Variants in CNTNAP2 observed in about 807,000 individuals in gnomAD.
CNTNAP2 encodes the protein contactin associated protein 2.
A neutral mutation model predicts 155.2 loss-of-function variants in CNTNAP2; 98 were observed. The ratio of observed to expected loss-of-function variants is 0.63; its 90% CI spans 0.54 to 0.75. The LOEUF (loss-of-function observed/expected upper bound fraction) is 0.75, where lower values mean the gene tolerates loss of function less well. CNTNAP2 is among the 30% of genes least tolerant of loss of function. The probability of loss-of-function intolerance (pLI) is 0.00; values close to 1 mark genes in which losing one functional copy is unlikely to be tolerated. For missense variants in CNTNAP2, 1,727 were observed against 1,688.1 expected (o/e 1.02, Z -0.40); for synonymous variants, 651 against 631.2 (o/e 1.03, Z -0.47).
At chr7:147,995,809 G>C (rs937667281) in intron 15 of CNTNAP2, among the ~76,000 whole-genome samples, 1 of 152,004 alleles carries the variant, frequency 6.6e-6, no homozygotes, top group Non-Finnish European at 1.5e-5. Context: ...CACTGTGCCC[G>C]GCCTCCCTGT....
chr7:146,729,408 G>T (rs1455424799), intron 1 of CNTNAP2, among the ~76,000 whole-genome samples: 11 of 151,998 alleles, frequency 7.2e-5, no homozygotes, highest in Admixed American at 7.2e-4. Context: ...GATGTACACA[G>T]GTTACCTAGG....
intron 12 of CNTNAP2, among the ~76,000 whole-genome samples, chr7:147,605,349 G>A (rs1033018942): frequency 2.6e-5 from 4 of 152,082 alleles, no homozygotes; most frequent in African/African-American, 9.7e-5. Flanking sequence ...CACAAAATAT[G>A]GGACTGGAAA....
chr7:148,315,445 T>A (rs1398159826), intron 21 of CNTNAP2, among the ~76,000 whole-genome samples: 2 of 152,092 alleles, frequency 1.3e-5, no homozygotes. Context: ...TGAGCCAGGA[T>A]GAGCCAGGAG....
At chr7:146,946,444 TA>T (rs1326604879) in intron 3 of CNTNAP2, among the ~76,000 whole-genome samples, 1 of 152,144 alleles carries the variant, frequency 6.6e-6, no homozygotes, top group African/African-American at 2.4e-5. Flanking sequence ...ATAAAGTAAG[TA>T]AAAAATCTTC....
At chr7:147,398,515 G>C (rs1274742001) in intron 10 of CNTNAP2, among the ~76,000 whole-genome samples, 1 of 150,374 alleles carries the variant, frequency 6.7e-6, no homozygotes, top group Non-Finnish European at 1.5e-5. Context: ...ATGATTTGAT[G>C]AGTAGAACTT....
chr7:146,720,097 T>C (rs1801258745), intron 1 of CNTNAP2, among the ~76,000 whole-genome samples: 1 of 152,044 alleles, frequency 6.6e-6, no homozygotes, highest in African/African-American at 2.4e-5. Flanking sequence ...TTTGAGTTTC[T>C]GTGGACTCTT....
intron 1 of CNTNAP2, among the ~76,000 whole-genome samples, chr7:146,666,099 T>C: frequency 6.6e-6 from 1 of 152,104 alleles, no homozygotes; most frequent in Non-Finnish European, 1.5e-5. Flanking sequence ...ATTCTTCTCA[T>C]CTAGCAGTAA....
intron 15 of CNTNAP2, among the ~76,000 whole-genome samples, chr7:148,090,719 C>A (rs535779326): frequency 1.3e-5 from 2 of 152,088 alleles, no homozygotes; most frequent in Admixed American, 6.5e-5. Context: ...ATAGAGCTAC[C>A]ATATGATCCA....
chr7:147,348,126 T>A (rs1795908314), intron 9 of CNTNAP2, among the ~76,000 whole-genome samples: 1 of 152,042 alleles, frequency 6.6e-6, no homozygotes, highest in Admixed American at 6.6e-5. Flanking sequence ...AAAGATTTTA[T>A]GAATAAGGCC....
At chr7:148,065,862 G>A (rs1803248466) in intron 15 of CNTNAP2, among the ~76,000 whole-genome samples, 2 of 152,058 alleles carry the variant, frequency 1.3e-5, no homozygotes, top group African/African-American at 4.8e-5. Context: ...TTGTCACCGT[G>A]TTATTGTATT....
intron 15 of CNTNAP2, among the ~76,000 whole-genome samples, chr7:148,098,328 C>T (rs1022191045): frequency 6.6e-6 from 1 of 150,934 alleles, no homozygotes; most frequent in African/African-American, 2.4e-5. Flanking sequence ...CCTGTAGTCC[C>T]AGCTACTCGG....
At chr7:146,470,228 A>G (rs1382704084) in intron 1 of CNTNAP2, among the ~76,000 whole-genome samples, 2 of 152,084 alleles carry the variant, frequency 1.3e-5, no homozygotes, top group African/African-American at 4.8e-5. Context: ...TTTATTTTGC[A>G]TATTTTTGAA....
intron 12 of CNTNAP2, among the ~76,000 whole-genome samples, chr7:147,579,030 AG>A: frequency 6.6e-6 from 1 of 152,228 alleles, no homozygotes; most frequent in East Asian, 1.9e-4. Context: ...ATAATCTTTA[AG>A]TCATTGCTTA....
intron 8 of CNTNAP2, among the ~76,000 whole-genome samples, chr7:147,188,183 T>C (rs909155474): frequency 6.6e-6 from 1 of 152,204 alleles, no homozygotes; most frequent in Non-Finnish European, 1.5e-5. Flanking sequence ...AAATAGAGTG[T>C]GAATTAATTG....
intron 13 of CNTNAP2, among the ~76,000 whole-genome samples, chr7:147,848,443 C>T (rs1292775101): frequency 5.3e-5 from 8 of 151,030 alleles, no homozygotes; most frequent in African/African-American, 1.5e-4. Context: ...CAATGCCTCG[C>T]CCTGCTTCGG....
intron 1 of CNTNAP2, among the ~76,000 whole-genome samples, chr7:146,487,622 A>G (rs976501180): frequency 2.6e-5 from 4 of 152,238 alleles, no homozygotes; most frequent in African/African-American, 9.6e-5. Flanking sequence ...GAAAATGAAC[A>G]TGAGATAGTT....
intron 13 of CNTNAP2, among the ~76,000 whole-genome samples, chr7:147,775,601 A>T (rs1227647173): frequency 1.3e-5 from 2 of 150,970 alleles, no homozygotes; most frequent in African/African-American, 2.4e-5. Context: ...AGTCAAAAAG[A>T]GTCCCTTGAC....
intron 17 of CNTNAP2, among the ~76,000 whole-genome samples, chr7:148,161,511 C>T (rs148124398): frequency 6.6e-6 from 1 of 152,230 alleles, no homozygotes; most frequent in African/African-American, 2.4e-5. Flanking sequence ...CCTCTCAACC[C>T]TTTCTTGTTT....
chr7:148,328,721 G>C (rs1797934681), intron 21 of CNTNAP2, among the ~76,000 whole-genome samples: 1 of 152,042 alleles, frequency 6.6e-6, no homozygotes, highest in Non-Finnish European at 1.5e-5. Flanking sequence ...TGTAATCCCA[G>C]CACTGTGGGA....
Sources: allele counts gnomAD v4.1 joint callset (sites outside exome capture counted in the v4.1 genomes callset), GRCh38; gene constraint gnomAD v4.1.1; transcripts MANE v1.5; gene names NCBI Gene and HGNC (gene_info 2026-07-23, HGNC 2026-07-21).